Variants in DIP2A observed in about 807,000 individuals in gnomAD.
The protein encoded by DIP2A is DIP2 acetate--CoA ligase A.
Under a neutral mutation model 177.4 loss-of-function variants are expected in DIP2A, and 85 were observed. The observed-to-expected ratio is 0.48, with a 90% confidence interval of 0.40 to 0.57. The LOEUF is 0.57. DIP2A is among the 20% of genes least tolerant of loss of function. The pLI, the probability that DIP2A is intolerant of heterozygous loss-of-function variation, is 0.00. For missense variants in DIP2A, 1,791 were observed against 2,100.2 expected, an observed-to-expected ratio of 0.85 and a Z score of 2.88; for synonymous variants, 886 against 881.8, an observed-to-expected ratio of 1.00 and a Z score of -0.08.
intron 1 of DIP2A, among the ~76,000 whole-genome samples, chr21:46,465,104 C>T (rs1313995386): frequency 6.6e-6 from 1 of 152,122 alleles, no homozygotes; most frequent in Non-Finnish European, 1.5e-5. Context: ...AAAGCACCCT[C>T]TTATTTTGAA....
At chr21:46,524,517 G>T (rs1237197261) in intron 8 of DIP2A, among the ~76,000 whole-genome samples, 4 of 152,080 alleles carry the variant, frequency 2.6e-5, no homozygotes, top group Non-Finnish European at 5.9e-5. Context: ...TGTCCCTTTG[G>T]AATTCACCGG....
chr21:46,554,569 C>T lies in DIP2A; in HGVS notation c.3155-6C>T, dbSNP rs771584691. The T allele has an allele frequency of 6.2e-7, 1 of 1,611,496 alleles. No homozygotes were observed. Among genetic ancestry groups the T allele is most frequent in the East Asian group, 2.2e-5 (1 of 44,778 alleles). ...GCCTCCTCACAGCCAGTCCTTGTCT[C>T]CACAGGGGTGGACCTCATTGCCGCG... On this transcript the variant is annotated splice_polypyrimidine_tract_variant and splice_region_variant and intron_variant, in intron 26 of 37. Transcript: ENST00000417564.
chr21:46,514,162 C>T (rs995231949), intron 8 of DIP2A, among the ~76,000 whole-genome samples: 6 of 151,936 alleles, frequency 3.9e-5, no homozygotes, highest in Admixed American at 6.6e-5. Flanking sequence ...GTGCTGGGCG[C>T]GGTGGCTCAC....
rs2839322 is a variant in DIP2A, at chr21:46,556,775, G to C, written c.3499-164G>C. 46,530 of 601,146 alleles carry C rather than the reference G, an allele frequency of 0.077. 3,270 individuals are homozygous for C. Among genetic ancestry groups the C allele is most frequent in the East Asian group, 0.34 (12,130 of 35,350 alleles). 37.2% of individuals were successfully genotyped at this position (601,146 alleles called of 1,614,324 possible). Reference sequence around the variant, plus strand: ...TGTACCATTTCTTGGGTATTATTTAGGTTATATGGGGATTTGAGCCAACCG... The same window carrying C: ...TGTACCATTTCTTGGGTATTATTTACGTTATATGGGGATTTGAGCCAACCG... On this transcript the variant is annotated intron_variant, in intron 29 of 37. Transcript: ENST00000417564. The surrounding 1 kb of genome is among the most constrained non-coding windows in gnomAD (Gnocchi z 4.5).
At chr21:46,475,932 T>C (rs897293965) in intron 1 of DIP2A, among the ~76,000 whole-genome samples, 2 of 152,182 alleles carry the variant, frequency 1.3e-5, no homozygotes, top group Non-Finnish European at 2.9e-5. Flanking sequence ...CTCAATATTA[T>C]GTTTTAAAAA....
At chr21:46,525,287 A>G (rs1204355768) in intron 8 of DIP2A, among the ~76,000 whole-genome samples, 2 of 152,158 alleles carry the variant, frequency 1.3e-5, no homozygotes, top group Non-Finnish European at 2.9e-5. Context: ...TACTGTTCAC[A>G]TTTAGGTCTG....
At chr21:46,464,851 AAC>A (rs1601310895) in intron 1 of DIP2A, among the ~76,000 whole-genome samples, 1 of 64,750 alleles carries the variant, frequency 1.5e-5, no homozygotes, top group East Asian at 4.9e-4. Flanking sequence ...TTTTCAAGAA[AAC>A]ACACAACAAA....
chr21:46,514,318 C>T (rs1036188014), intron 8 of DIP2A, among the ~76,000 whole-genome samples: 4 of 151,840 alleles, frequency 2.6e-5, no homozygotes, highest in African/African-American at 9.7e-5. Context: ...CGCCTGTAGT[C>T]CCAGCTACTT....
chr21:46,565,020 C>T (rs554917384), intron 35 of DIP2A, among the ~76,000 whole-genome samples: 1 of 152,242 alleles, frequency 6.6e-6, no homozygotes, highest in Non-Finnish European at 1.5e-5. Flanking sequence ...CTCTTTCAGA[C>T]GCTGCCATGC....
At chr21:46,564,188 A>G (rs926353342) in intron 35 of DIP2A, among the ~76,000 whole-genome samples, 5 of 152,228 alleles carry the variant, frequency 3.3e-5, no homozygotes, top group African/African-American at 1.2e-4. Flanking sequence ...CTGACAGGTG[A>G]GAGGAGCTGC....
rs1424695294 is a variant in DIP2A, at chr21:46,556,387, A to T, written c.3498+296A>T. On this transcript the variant is annotated intron_variant, in intron 29 of 37. Coordinates refer to ENST00000417564, the MANE Select transcript of DIP2A (RefSeq NM_015151.4). This position sits in a 1 kb window ranked among gnomAD's most constrained non-coding sequence, Gnocchi z 4.5. ...TTACCTTGCTGGGAGTCAATAGCTC[A>T]ATTAAAATTTTTCAGGCGGGGCGTG... is the stretch of plus-strand genomic sequence containing the variant. 1 of 1,374,622 alleles carries T rather than the reference A, an allele frequency of 7.3e-7. No individual in the cohort carries two copies. Among genetic ancestry groups the T allele is most frequent in the African/African-American group, 1.5e-5 (1 of 68,510 alleles). The allele number at this position is 1,374,622 out of a possible 1,614,324, so 85.2% of individuals were successfully genotyped here.
chr21:46,546,762 C>T (rs1034606933), intron 20 of DIP2A, among the ~76,000 whole-genome samples, 153 bp from the exon 21 acceptor site: 7 of 152,356 alleles, frequency 4.6e-5, no homozygotes, highest in Non-Finnish European at 1.0e-4. Flanking sequence ...ACAGGGCCTG[C>T]GTTGCAGATT....
intron 8 of DIP2A, among the ~76,000 whole-genome samples, chr21:46,514,641 G>GTTTTTTTTTT (rs1569013985): frequency 1.7e-5 from 1 of 59,528 alleles, no homozygotes; most frequent in Non-Finnish European, 2.9e-5. Context: ...TTTTTTTTTT[G>GTTTTTTTTTT]GTTTTTTTTT....
At chr21:46,566,970 G>GT (rs889876509) in intron 37 of DIP2A, among the ~76,000 whole-genome samples, 16 of 152,320 alleles carry the variant, frequency 1.1e-4, no homozygotes, top group Admixed American at 9.8e-4. Flanking sequence ...GGTTTGGCTT[G>GT]TTTTTTTATC....
At chr21:46,476,958 G>A (rs570725746) in intron 1 of DIP2A, among the ~76,000 whole-genome samples, 77 of 152,150 alleles carry the variant, frequency 5.1e-4, no homozygotes, top group African/African-American at 1.6e-3. Context: ...CAGCCAGCTC[G>A]TAGCATCGCT....
chr21:46,547,529 G>A (rs1035666798), intron 21 of DIP2A, among the ~76,000 whole-genome samples: 7 of 152,112 alleles, frequency 4.6e-5, no homozygotes, highest in Non-Finnish European at 1.0e-4. Context: ...ATGCCCCTGG[G>A]CACAGGGGCC....
chr21:46,516,488 C>CCTTTTTTTTTTTTT (rs2058579913), intron 8 of DIP2A, among the ~76,000 whole-genome samples: 1 of 76,366 alleles, frequency 1.3e-5, no homozygotes, highest in African/African-American at 4.4e-5. Context: ...TCTGAAATTT[C>CCTTTTTTTTTTTTT]TTTTTTTTTT....
chr21:46,501,859 A>G (rs1415103732), intron 5 of DIP2A, among the ~76,000 whole-genome samples: 1 of 152,174 alleles, frequency 6.6e-6, no homozygotes, highest in Non-Finnish European at 1.5e-5. Context: ...TTTTAAACTA[A>G]AAGAACCTCC....
rs748042405 is a variant in DIP2A at position 46,509,227 on chromosome 21, C to T, written c.785-30C>T. ...TCCACTTCTTCAGATGTGTCCTGGC[C>T]TCAGTGCTCCTCTGTCCTTCCCGTG... On this transcript the variant is annotated intron_variant, in intron 6 of 37. Transcript: ENST00000417564. The T allele has an allele frequency of 6.9e-6, 11 of 1,599,090 alleles. No homozygotes were observed. In the East Asian group the frequency reaches 2.0e-4, roughly 29 times the overall value.
Sources: allele counts gnomAD v4.1 joint callset (sites outside exome capture counted in the v4.1 genomes callset), GRCh38; gene constraint gnomAD v4.1.1; non-coding constraint Gnocchi (gnomAD v3.1); transcripts MANE v1.5; gene names NCBI Gene and HGNC (gene_info 2026-07-23, HGNC 2026-07-21).